Variants in MYO16 observed in about 807,000 individuals in gnomAD.
The protein encoded by MYO16 is unconventional myosin-XVI.
Under a neutral mutation model 205.3 loss-of-function variants are expected in MYO16, and 94 were observed. The ratio of observed to expected loss-of-function variants is 0.46; its 90% CI spans 0.39 to 0.54. The LOEUF is 0.54. MYO16 is among the 20% of genes least tolerant of loss of function. MYO16 has a pLI of 0.00. For missense variants in MYO16, 2,315 were observed against 2,387.5 expected, an observed-to-expected ratio of 0.97 and a Z score of 0.63; for synonymous variants, 988 against 954.0, an observed-to-expected ratio of 1.04 and a Z score of -0.66.
chr13:108,809,255 T>C (rs144907559), intron 7 of MYO16, among the ~76,000 whole-genome samples: 2 of 152,316 alleles, frequency 1.3e-5, no homozygotes, highest in East Asian at 3.9e-4. Flanking sequence ...TACAAAACAT[T>C]TGACCTGAAA....
chr13:108,728,186 A>G (rs1884404218), intron 4 of MYO16, among the ~76,000 whole-genome samples: 1 of 152,256 alleles, frequency 6.6e-6, no homozygotes, highest in South Asian at 2.1e-4. Flanking sequence ...ATGAGCAAGA[A>G]TGATTTGCTT....
At chr13:108,524,973 C>G in the MYO16 span, among the ~76,000 whole-genome samples, 1 of 151,980 alleles carries the variant, frequency 6.6e-6, no homozygotes, top group Non-Finnish European at 1.5e-5. Context: ...AATGATTGCC[C>G]TATAATTTAT....
the MYO16 span, among the ~76,000 whole-genome samples, chr13:108,528,595 T>C: frequency 1.9e-4 from 3 of 15,990 alleles, no homozygotes; most frequent in African/African-American, 2.9e-4. Context: ...TTTCCCCTCC[T>C]CTCCCCTCTC....
chr13:108,873,698 T>TCCATGCCAACCAACCAGGACAGGGC (rs1879185825), intron 12 of MYO16, among the ~76,000 whole-genome samples: 1 of 115,578 alleles, frequency 8.7e-6, no homozygotes, highest in African/African-American at 3.3e-5. Context: ...CAGGACAGGG[T>TCCATGCCAACCAACCAGGACAGGGC]CCATGCCAAC....
intron 32 of MYO16, among the ~76,000 whole-genome samples, chr13:109,148,950 G>A (rs1164788892): frequency 6.6e-6 from 1 of 152,170 alleles, no homozygotes; most frequent in Admixed American, 6.5e-5. Context: ...AAACTTCAGG[G>A]TGTGTGGTTC....
chr13:109,039,372 T>C (rs1399322196), intron 23 of MYO16, among the ~76,000 whole-genome samples: 1 of 152,060 alleles, frequency 6.6e-6, no homozygotes, highest in East Asian at 1.9e-4. Flanking sequence ...TATAAACACA[T>C]CCACCAGCAA....
At chr13:109,176,240 G>C (rs1176173070) in intron 33 of MYO16, among the ~76,000 whole-genome samples, 1 of 151,770 alleles carries the variant, frequency 6.6e-6, no homozygotes, top group Non-Finnish European at 1.5e-5. Flanking sequence ...TTGAATATGT[G>C]TATTACTTAT....
chr13:108,680,845 A>G (rs892874318), intron 2 of MYO16, among the ~76,000 whole-genome samples: 7 of 152,082 alleles, frequency 4.6e-5, no homozygotes, highest in African/African-American at 1.7e-4. Context: ...ATGCATGAAC[A>G]ATGGTGTTGT....
chr13:108,568,466 C>T, the MYO16 span, among the ~76,000 whole-genome samples: 1 of 152,030 alleles, frequency 6.6e-6, no homozygotes, highest in Non-Finnish European at 1.5e-5. Flanking sequence ...TTTTTATGTG[C>T]TTATTGGCTG....
chr13:108,685,081 GACAC>G (rs1882622453), intron 2 of MYO16, among the ~76,000 whole-genome samples: 1 of 148,994 alleles, frequency 6.7e-6, no homozygotes. Context: ...GGAGTGCAGT[GACAC>G]GATCTCGGCT....
At chr13:108,590,480 C>A in the MYO16 span, among the ~76,000 whole-genome samples, 5 of 152,092 alleles carry the variant, frequency 3.3e-5, no homozygotes, top group Non-Finnish European at 5.9e-5. Flanking sequence ...TGAACTGTGT[C>A]CCCCAGAAGG....
intron 16 of MYO16, among the ~76,000 whole-genome samples, chr13:108,915,645 TC>T (rs1881466387): frequency 6.6e-6 from 1 of 152,198 alleles, no homozygotes; most frequent in African/African-American, 2.4e-5. Context: ...TTGTTTATCT[TC>T]AGCATACTTT....
At chr13:109,083,061 A>G (rs1227497878) in intron 27 of MYO16, among the ~76,000 whole-genome samples, 1 of 152,128 alleles carries the variant, frequency 6.6e-6, no homozygotes, top group Non-Finnish European at 1.5e-5. Context: ...TAAGCAAGGG[A>G]ATATAAAGCT....
chr13:108,629,660 C>G lies in MYO16; in HGVS notation c.-185C>G. The G allele has an allele frequency of 1.8e-6, 1 of 542,242 alleles. No homozygotes were observed. Among genetic ancestry groups the G allele is most frequent in the Admixed American group, 2.9e-5 (1 of 34,598 alleles). The allele number at this position is 542,242 out of a possible 1,614,324, so 33.6% of individuals were successfully genotyped here. On this transcript the variant is annotated 5_prime_UTR_variant, in exon 1 of 35. Transcript: ENST00000457511. ...GGGGAGAGGCTTATCTTAACTCCAG[C>G]TGCCGAATGAGAATGAGTTTGAAGC...
At chr13:108,510,371 C>T in the MYO16 span, among the ~76,000 whole-genome samples, 4 of 147,314 alleles carry the variant, frequency 2.7e-5, no homozygotes, top group East Asian at 6.3e-4. Context: ...TCCTCCTTGG[C>T]GTCCCAAAGT....
intron 4 of MYO16, 25 bp from the exon 5 acceptor site, chr13:108,785,610 G>C (rs1476354665): frequency 7.1e-7 from 1 of 1,418,242 alleles, no homozygotes; most frequent in African/African-American, 1.4e-5. Flanking sequence ...TATATATGAT[G>C]TTATATTTTT....
chr13:109,194,522 A>T (rs1484189183), intron 34 of MYO16, among the ~76,000 whole-genome samples: 1 of 152,168 alleles, frequency 6.6e-6, no homozygotes, highest in Admixed American at 6.5e-5. Flanking sequence ...CATGAAGATG[A>T]TACTAGAAAT....
At chr13:108,574,669 T>TTGTGTGTGTGTGTGTG in the MYO16 span, among the ~76,000 whole-genome samples, 1 of 136,584 alleles carries the variant, frequency 7.3e-6, no homozygotes, top group African/African-American at 2.8e-5. Context: ...CAATAACAAT[T>TTGTGTGTGTGTGTGTG]TGTGTGTGTG....
At position 108,990,051 on chromosome 13, in the gene MYO16, A is replaced by T. The variant is rs1884775301; in HGVS notation, c.2370-2325A>T. On this transcript the variant is annotated intron_variant, in intron 20 of 34. Transcript: ENST00000457511. ...GTCTAAAGTTAACCAACCCAAAAGT[A>T]TTTAAACCTACCCCAAGACTGAACA... Among the ~76,000 whole-genome samples the T allele has an allele frequency of 7.2e-5, 11 of 152,164 alleles. 1 individual carries two copies. In the South Asian group the frequency reaches 2.1e-3, roughly 29 times the overall value.
Sources: gnomAD v4.1 joint callset for allele counts (sites outside exome capture counted in the v4.1 genomes callset) on GRCh38, gnomAD v4.1.1 for gene constraint, MANE v1.5 for transcripts, NCBI Gene and HGNC (gene_info 2026-07-23, HGNC 2026-07-21) for gene names.